Variants in NELL2 observed in about 807,000 individuals in gnomAD.
NELL2 encodes the protein protein kinase C-binding protein NELL2.
Under a neutral mutation model 109.6 loss-of-function variants are expected in NELL2, and 41 were observed. The ratio of observed to expected loss-of-function variants is 0.37; its 90% CI spans 0.29 to 0.49. The LOEUF is 0.49. Among genes scored for constraint, NELL2 ranks in the 20% least tolerant of loss-of-function variants. The pLI is 0.98. For synonymous variants in NELL2, 355 were observed against 344.7 expected, an observed-to-expected ratio of 1.03 and a Z score of -0.33; for missense variants, 900 against 1,008.3, an observed-to-expected ratio of 0.89 and a Z score of 1.45.
chr12:44,717,407 G>A (rs1291595532), intron 9 of NELL2, among the ~76,000 whole-genome samples: 1 of 152,034 alleles, frequency 6.6e-6, no homozygotes, highest in African/African-American at 2.4e-5. Flanking sequence ...ATTCAAAGAC[G>A]AATTTAATGT....
At chr12:44,864,821 T>C (rs1204367501) in intron 2 of NELL2, among the ~76,000 whole-genome samples, 1 of 152,208 alleles carries the variant, frequency 6.6e-6, no homozygotes, top group Non-Finnish European at 1.5e-5. Context: ...TGTTAGACCA[T>C]TAAAAAAGTT....
At chr12:44,640,391 G>C (rs867239297) in intron 13 of NELL2, among the ~76,000 whole-genome samples, 4 of 152,218 alleles carry the variant, frequency 2.6e-5, no homozygotes, top group Admixed American at 1.3e-4. Flanking sequence ...TTAAATAATA[G>C]GAACTGAGAT....
chr12:44,783,978 T>C lies in NELL2; in HGVS notation c.336-3956A>G, dbSNP rs546800837. On this transcript the variant is annotated intron_variant, in intron 3 of 19. Transcript: ENST00000429094. ...ATATAAAAACAATGATATACCATAA[T>C]CAAGTGGGGTTTATTCCAGGGATGC... Among the ~76,000 whole-genome samples the C allele has an allele frequency of 1.6e-3, 251 of 152,194 alleles. 1 individual carries two copies. The highest frequency in any genetic ancestry group is 5.8e-3 in the African/African-American group (239 of 41,550).
At position 44,685,192 on chromosome 12, in the gene NELL2, C is replaced by A. The variant is rs554890497; in HGVS notation, c.1318+18534G>T. ...AAGTAATGGCCTTGTCTCTTTTGAT[C>A]TTTGTTGGTTTAAAGTCTGTTTTAT... On this transcript the variant is annotated intron_variant, in intron 12 of 19. Transcript: ENST00000429094. 1.4e-4 allele frequency among the ~76,000 whole-genome samples: 21 copies of A among 152,134 alleles called. No homozygotes were observed. In the East Asian group the frequency reaches 3.9e-3, roughly 28 times the overall value.
intron 12 of NELL2, among the ~76,000 whole-genome samples, chr12:44,682,773 T>C (rs1948566618): frequency 6.6e-6 from 1 of 152,234 alleles, no homozygotes; most frequent in Admixed American, 6.5e-5. Flanking sequence ...GTTCCATTGA[T>C]CTATATCTCT....
chr12:44,904,778 T>G (rs1945701606), intron 1 of NELL2, among the ~76,000 whole-genome samples: 1 of 152,136 alleles, frequency 6.6e-6, no homozygotes, highest in Admixed American at 6.6e-5. Context: ...TCATTAAAAC[T>G]TCATGCTGTA....
chr12:44,883,627 A>G (rs1945439886), intron 1 of NELL2, among the ~76,000 whole-genome samples: 1 of 152,068 alleles, frequency 6.6e-6, no homozygotes, highest in South Asian at 2.1e-4. Context: ...TAAATTATCT[A>G]ATGGAGTTTT....
chr12:44,832,906 G>A (rs1043334482), intron 2 of NELL2, among the ~76,000 whole-genome samples: 3 of 152,108 alleles, frequency 2.0e-5, no homozygotes, highest in African/African-American at 4.8e-5. Context: ...AAGGAATAAC[G>A]GAGGACCTAA....
intron 11 of NELL2, among the ~76,000 whole-genome samples, chr12:44,710,215 T>C (rs909253596): frequency 4.6e-5 from 7 of 152,112 alleles, no homozygotes; most frequent in Admixed American, 2.6e-4. Context: ...TTTAATAGAG[T>C]AAGTTAAAAG....
intron 2 of NELL2, among the ~76,000 whole-genome samples, chr12:44,861,553 C>T (rs1944844614): frequency 6.6e-6 from 1 of 152,222 alleles, no homozygotes; most frequent in African/African-American, 2.4e-5. Context: ...CAGCCATGGG[C>T]TCTGGACTAC....
At chr12:44,824,231 A>G (rs1356079300) in intron 2 of NELL2, among the ~76,000 whole-genome samples, 2 of 152,166 alleles carry the variant, frequency 1.3e-5, no homozygotes, top group Non-Finnish European at 2.9e-5. Context: ...TCTCCACTCT[A>G]TTGATTGTTT....
At chr12:44,909,849 C>T (rs1301482258) in intron 1 of NELL2, among the ~76,000 whole-genome samples, 1 of 151,518 alleles carries the variant, frequency 6.6e-6, no homozygotes, top group Non-Finnish European at 1.5e-5. Flanking sequence ...ATCTGATACT[C>T]AACCAAGACA....
chr12:44,655,984 GT>G (rs879431535), intron 13 of NELL2, among the ~76,000 whole-genome samples: 1 of 152,162 alleles, frequency 6.6e-6, no homozygotes, highest in African/African-American at 2.4e-5. Flanking sequence ...TGAAATGGTT[GT>G]TCACAAAAAT....
At chr12:44,714,945 A>G (rs555738883) in intron 9 of NELL2, among the ~76,000 whole-genome samples, 64 of 152,044 alleles carry the variant, frequency 4.2e-4, no homozygotes, top group African/African-American at 1.3e-3. Context: ...GTAAAATAAG[A>G]TATAAAAAAG....
At chr12:44,791,084 T>TATATATATATATATATAC (rs1942376286) in intron 3 of NELL2, among the ~76,000 whole-genome samples, 4 of 12,496 alleles carry the variant, frequency 3.2e-4, no homozygotes, top group South Asian at 6.3e-3. Flanking sequence ...TATATATACA[T>TATATATATATATATATAC]ATATATATAT....
intron 2 of NELL2, among the ~76,000 whole-genome samples, chr12:44,827,833 G>C (rs1373880086): frequency 6.6e-6 from 1 of 152,156 alleles, no homozygotes; most frequent in African/African-American, 2.4e-5. Context: ...ATACCTGGGA[G>C]TGGGATTGCT....
At chr12:44,560,801 AAAG>A (rs1943443350) in intron 15 of NELL2, among the ~76,000 whole-genome samples, 1 of 152,186 alleles carries the variant, frequency 6.6e-6, no homozygotes, top group African/African-American at 2.4e-5. Flanking sequence ...AACAATAGAA[AAAG>A]AAGGACTCCT....
intron 11 of NELL2, among the ~76,000 whole-genome samples, chr12:44,707,329 C>T: frequency 6.6e-6 from 1 of 152,060 alleles, no homozygotes; most frequent in East Asian, 1.9e-4. Context: ...TTTCTTCCAC[C>T]TACTTGAATG....
chr12:44,884,390 T>C (rs2135546), intron 1 of NELL2, among the ~76,000 whole-genome samples: 11,338 of 152,004 alleles, frequency 0.075, 560 homozygotes, highest in Admixed American at 0.12. Flanking sequence ...ACAATTCCAT[T>C]TGGAAACATC....
Sources: allele counts gnomAD v4.1 joint callset (sites outside exome capture counted in the v4.1 genomes callset), GRCh38; gene constraint gnomAD v4.1.1; transcripts MANE v1.5; gene names NCBI Gene and HGNC (gene_info 2026-07-23, HGNC 2026-07-21).